PSG9: variants seen among roughly 807,000 people sequenced by gnomAD.
The protein encoded by PSG9 is pregnancy specific beta-1-glycoprotein 9.
A neutral mutation model predicts 41.9 loss-of-function variants in PSG9; 49 were observed. That is an observed-to-expected ratio of 1.17 (90% CI 0.93 to 1.48). PSG9 has a LOEUF of 1.48. Ranked by LOEUF, PSG9 falls within the 40% of genes most tolerant of loss-of-function variation. The pLI, the probability that PSG9 is intolerant of heterozygous loss-of-function variation, is 0.00. For synonymous variants in PSG9, 263 were observed against 196.8 expected, an observed-to-expected ratio of 1.34 and a Z score of -2.82; for missense variants, 641 against 520.3, an observed-to-expected ratio of 1.23 and a Z score of -2.26.
In PSG9 at chr19:43,268,101, A is replaced by G. The variant is rs369349918; in HGVS notation, c.113T>C (p.Ile38Thr). 86 of 1,613,278 alleles carry G rather than the reference A, an allele frequency of 5.3e-5. 2 individuals are homozygous for G. The highest frequency in any genetic ancestry group is 3.2e-4 in the South Asian group (29 of 91,018). ...WNPPTTAEVT[I>T]EAQPPKVSEG... ...AGAAACTTTGGGTGGCTGGGCTTCA[A>G]TCGTGACTTCGGCAGTGGTGGGCGG... The change falls in exon 2 of 6, where the codon ATT becomes ACT. Residue 38 changes from isoleucine to threonine, a missense_variant. Ile to Thr is a moderately conservative substitution (Grantham distance 89). Transcript: ENST00000270077.
chr19:43,266,746 C>T (rs1968987732), intron 2 of PSG9, among the ~76,000 whole-genome samples: 1 of 152,052 alleles, frequency 6.6e-6, no homozygotes, highest in Non-Finnish European at 1.5e-5. Flanking sequence ...CCTTGGAACC[C>T]AGTAAGCCCT....
rs913940099 is a variant in PSG9, at chr19:43,256,019, T to C, written c.1243+2183A>G. Among the ~76,000 whole-genome samples the C allele has an allele frequency of 4.1e-5, 6 of 146,662 alleles. 1 individual carries two copies. The highest frequency in any genetic ancestry group is 1.3e-4 in the African/African-American group (5 of 38,674). On this transcript the variant is annotated intron_variant, in intron 5 of 5. Transcript: ENST00000270077. ...AAAATCTGTCCTAAAATTTATATTG[T>C]ATCTCATGACTCTAAATAGACACAC...
At chr19:43,269,256 A>T in intron 1 of PSG9, 112 bp downstream of exon 1, 1 of 1,557,814 alleles carries the variant, frequency 6.4e-7, no homozygotes, top group Non-Finnish European at 8.8e-7. Flanking sequence ...CACCCACCTC[A>T]GCCTCCCTAA....
chr19:43,258,548 A>G, intron 4 of PSG9, 92 bp from the exon 5 acceptor site: 1 of 1,486,460 alleles, frequency 6.7e-7, no homozygotes, highest in Non-Finnish European at 8.9e-7. Context: ...CCTCTGAGCC[A>G]AGACACACCC....
chr19:43,255,518 G>A (rs1369634405), intron 5 of PSG9, among the ~76,000 whole-genome samples: 1 of 145,936 alleles, frequency 6.9e-6, no homozygotes, highest in Admixed American at 6.8e-5. Flanking sequence ...AGAAAAATTA[G>A]GCAAGAATTG....
chr19:43,253,458 T>C lies in PSG9; in HGVS notation c.*151A>G. 1 of 442,526 alleles carries C rather than the reference T, an allele frequency of 2.3e-6. No homozygotes were observed. The highest frequency in any genetic ancestry group is 4.0e-6 in the Non-Finnish European group (1 of 250,576). The allele number at this position is 442,526 out of a possible 1,614,324, so 27.4% of individuals were successfully genotyped here. A position where few individuals can be genotyped will look rare whatever the true frequency, so the allele number is the denominator to read the frequency against. On this transcript the variant is annotated 3_prime_UTR_variant, in exon 6 of 6. Transcript: ENST00000270077. ...GTTCATAAATCTGGAGAATAAAACA[T>C]TCAAAGAATCAGCACATTTTCCAAT...
chr19:43,263,451 A>G (rs1053205189), intron 2 of PSG9, among the ~76,000 whole-genome samples: 1 of 152,118 alleles, frequency 6.6e-6, no homozygotes, highest in East Asian at 1.9e-4. Context: ...TTAGCATCAC[A>G]TCAGTGGTCA....
chr19:43,253,674 C>A, intron 5 of PSG9, 28 bp from the exon 6 acceptor site: 1 of 1,220,192 alleles, frequency 8.2e-7, no homozygotes. Flanking sequence ...CAGGTCAGTG[C>A]ATTTCAAATT....
chr19:43,263,957 G>T (rs1182649912), intron 2 of PSG9, among the ~76,000 whole-genome samples: 1 of 152,096 alleles, frequency 6.6e-6, no homozygotes, highest in Admixed American at 6.5e-5. Flanking sequence ...AAATGGGGAG[G>T]ACTGCAAAAC....
At position 43,258,396 on chromosome 19, in the gene PSG9, A is replaced by T. The variant is rs145142897; in HGVS notation, c.1049T>A (p.Leu350His). ...AGATTCCGTGAAGCAGGACAAGTCG[A>T]GGTTTTCTCCTGAACGGTAATAGGT... ...SFTYYRSGEN[L>H]DLSCFTESNP... Residue 350 changes from leucine (L) to histidine (H), a missense_variant, in exon 5 of 6, where the codon CTC becomes CAC. Leu to His is a moderately conservative substitution (Grantham distance 99). Transcript: ENST00000270077. 246 of 1,591,890 alleles carry T rather than the reference A, an allele frequency of 1.5e-4. 13 individuals are homozygous for T. The highest frequency in any genetic ancestry group is 2.0e-4 in the Non-Finnish European group (235 of 1,174,146).
intron 3 of PSG9, 164 bp from the exon 4 acceptor site, chr19:43,259,299 C>T: frequency 5.4e-6 from 7 of 1,288,562 alleles, no homozygotes; most frequent in Non-Finnish European, 7.3e-6. Flanking sequence ...GATCTAAGGG[C>T]TCAAAGACTG....
rs1209321185 is a variant in PSG9 at position 43,258,353 on chromosome 19, A to G, written c.1092T>C (p.Tyr364=). ...GAAACTTCCCATTAATTGTCCAAAA[A>G]TACTCTGCCGGTGGGTTAGATTCCG... is the stretch of plus-strand genomic sequence containing the variant. The part of the protein sequence containing the change: ...CFTESNPPAE[Y]FWTINGKFQQ... Residue 364 remains tyrosine, a synonymous_variant, in exon 5 of 6, where the codon TAT becomes TAC. Transcript: ENST00000270077. 1 of 1,592,862 alleles carries G rather than the reference A, an allele frequency of 6.3e-7. No homozygotes were observed. Among genetic ancestry groups the G allele is most frequent in the Non-Finnish European group, 8.5e-7 (1 of 1,174,614 alleles).
chr19:43,264,954 T>C (rs1968898505), intron 2 of PSG9, among the ~76,000 whole-genome samples: 1 of 152,086 alleles, frequency 6.6e-6, no homozygotes, highest in Non-Finnish European at 1.5e-5. Context: ...TCCATGTGCT[T>C]TGGGGACTGC....
intron 2 of PSG9, among the ~76,000 whole-genome samples, chr19:43,263,262 C>T (rs540793982): frequency 1.3e-5 from 2 of 152,226 alleles, no homozygotes; most frequent in South Asian, 4.1e-4. Context: ...TAGAGATCTC[C>T]TGTACAGCTT....
In PSG9 at chr19:43,258,893, C is replaced by T; in HGVS notation, c.952G>A (p.Gly318Ser). Residue 318 changes from glycine (G) to serine (S), a missense_variant, in exon 4 of 6, where the codon GGC (glycine) becomes AGC (serine). By Grantham distance (56) the Gly-to-Ser change is moderately conservative. Transcript: ENST00000270077. ...YQCEIRDRYG[G>S]LRSNPVILNV... ...AGGATGACTGGGTTACTGCGGAGGC[C>T]ACCATATCGGTCCCGTATTTCACAT... 9 of 1,587,816 alleles carry T rather than the reference C, an allele frequency of 5.7e-6. 2 individuals are homozygous for T. The highest frequency in any genetic ancestry group is 7.7e-6 in the Non-Finnish European group (9 of 1,172,666).
intron 2 of PSG9, among the ~76,000 whole-genome samples, chr19:43,266,545 G>T (rs1457728523): frequency 1.3e-5 from 2 of 152,004 alleles, no homozygotes; most frequent in African/African-American, 4.8e-5. Context: ...GGAAACACAG[G>T]ATTTCACGTT....
intron 1 of PSG9, among the ~76,000 whole-genome samples, chr19:43,269,036 G>T (rs1188625572): frequency 6.6e-6 from 1 of 151,446 alleles, no homozygotes; most frequent in African/African-American, 2.4e-5. Context: ...ACGGAGTCTC[G>T]TACTGTCGCC....
rs1210261613 is a variant in PSG9, at chr19:43,255,863, A to G, written c.1244-2217T>C. Among the ~76,000 whole-genome samples the G allele has an allele frequency of 1.4e-5, 2 of 146,898 alleles. 1 individual carries two copies. The highest frequency in any genetic ancestry group is 5.2e-5 in the African/African-American group (2 of 38,762). On this transcript the variant is annotated intron_variant, in intron 5 of 5. Coordinates refer to ENST00000270077, the MANE Select transcript of PSG9 (RefSeq NM_002784.5). ...CTGAAAGAAATGAAAGATGACATCA[A>G]TAAATTGAAAGACATTTTGTTTTCA...
chr19:43,265,950 G>A (rs562140993), intron 2 of PSG9, among the ~76,000 whole-genome samples: 23 of 152,220 alleles, frequency 1.5e-4, no homozygotes, highest in African/African-American at 4.8e-4. Context: ...TGGGAGGTGG[G>A]CCAGGCCACA....
Sources: allele counts gnomAD v4.1 joint callset (sites outside exome capture counted in the v4.1 genomes callset), GRCh38; gene constraint gnomAD v4.1.1; transcripts MANE v1.5; gene names NCBI Gene and HGNC (gene_info 2026-07-23, HGNC 2026-07-21).